HLTF: variants seen among roughly 807,000 people sequenced by gnomAD.
The protein encoded by HLTF is DNA-dependent ATPase/E3 ubiquitin-protein ligase HLTF.
In HLTF, 127 loss-of-function variants were observed where a neutral mutation model predicts 129.4. The observed-to-expected ratio is 0.98, with a 90% CI of 0.85 to 1.14. HLTF has a LOEUF of 1.14. Among genes scored for constraint, HLTF ranks in the 50% most tolerant of loss-of-function variants. The pLI, the probability that HLTF is intolerant of heterozygous loss-of-function variation, is 0.00. For missense variants in HLTF, 1,139 were observed against 1,187.1 expected (o/e 0.96, Z 0.60); for synonymous variants, 332 against 388.8 (o/e 0.85, Z 1.72).
chr3:149,083,026 T>C (rs1576631659), intron 2 of HLTF, among the ~76,000 whole-genome samples: 2 of 152,052 alleles, frequency 1.3e-5, no homozygotes, highest in South Asian at 2.1e-4. Flanking sequence ...CCGAGGTGAG[T>C]GGATCACCTG....
Position 149,048,986 on chromosome 3 carries a change from G to C in HLTF, c.1633C>G (p.Pro545Ala). 3 of 1,603,418 alleles carry C rather than the reference G, an allele frequency of 1.9e-6. No homozygotes were observed. Among genetic ancestry groups the C allele is most frequent in the East Asian group, 4.5e-5 (2 of 44,770 alleles). The change falls in exon 16 of 25, where the codon CCA becomes GCA. Residue 545 changes from proline to alanine, a missense_variant. Coordinates refer to ENST00000310053, the MANE Select transcript of HLTF (RefSeq NM_003071.4). The stretch of plus-strand genomic sequence containing the variant: ...CTTAGCCACCTTATGCTATGTAATG[G>C]ACTATCTCCTTTAGTCTGAAATAAA... ...THDYGTKGDS[P>A]LHSIRWLRVI...
chr3:149,032,198 GACCTT>G lies in HLTF; in HGVS notation c.*17_*21del. 6.6e-7 allele frequency: 1 copy of G among 1,525,006 alleles called. No homozygotes were observed. The highest frequency in any genetic ancestry group is 8.8e-7 in the Non-Finnish European group (1 of 1,135,456). 94.5% of individuals were successfully genotyped at this position (1,525,006 alleles called of 1,614,324 possible). A position where few individuals can be genotyped will look rare whatever the true frequency, so the allele number is the denominator to read the frequency against. ...TAAAACTTAAGTATCCAATCAAACT[GACCTT>G]ACTAAAATCCCACAAATTATAAGTC... On this transcript the variant is annotated 3_prime_UTR_variant, in exon 25 of 25. Coordinates refer to ENST00000310053, the MANE Select transcript of HLTF (RefSeq NM_003071.4).
At chr3:149,079,533 T>C (rs1719699142) in intron 2 of HLTF, among the ~76,000 whole-genome samples, 2 of 151,746 alleles carry the variant, frequency 1.3e-5, no homozygotes, top group Admixed American at 1.3e-4. Flanking sequence ...AGATATAACT[T>C]GGATAACAGC....
chr3:149,085,821 G>A (rs1720325260), intron 1 of HLTF, among the ~76,000 whole-genome samples: 1 of 152,196 alleles, frequency 6.6e-6, no homozygotes, highest in African/African-American at 2.4e-5. Context: ...GTCTACTGGA[G>A]CATTGCAAAA....
In HLTF at chr3:149,064,862, T is replaced by C. The variant is rs74820266; in HGVS notation, c.995A>G (p.Tyr332Cys). ...TTTCATAGAGTCATCGTTAACATTA[T>C]ATTCCTGGGTAAATAGGCATATTTC... The part of the protein sequence containing the change: ...RVKKNLLKKE[Y>C]NVNDDSMKLG... Residue 332 changes from tyrosine to cysteine, a missense_variant, in exon 9 of 25, where the codon TAT (tyrosine) becomes TGT (cysteine). Coordinates refer to ENST00000310053, the MANE Select transcript of HLTF (RefSeq NM_003071.4). The C allele has an allele frequency of 2.7e-3, 4,274 of 1,573,916 alleles. 79 individuals carry two copies. The African/African-American group carries it at 0.05, about 19-fold the overall frequency.
intron 14 of HLTF, among the ~76,000 whole-genome samples, chr3:149,054,712 G>A (rs1343657138): frequency 2.6e-5 from 4 of 152,128 alleles, no homozygotes; most frequent in Non-Finnish European, 5.9e-5. Flanking sequence ...TTTCTGATGG[G>A]TAGTGTTAAA....
chr3:149,031,650 C>T lies in HLTF; in HGVS notation c.*570G>A, dbSNP rs1715061941. The T allele has an allele frequency of 6.6e-6, 1 of 152,114 alleles. No homozygotes were observed. Among genetic ancestry groups the T allele is most frequent in the Non-Finnish European group, 1.5e-5 (1 of 68,000 alleles). 9.4% of individuals were successfully genotyped at this position (152,114 alleles called of 1,614,324 possible). A position where few individuals can be genotyped will look rare whatever the true frequency, so the allele number is the denominator to read the frequency against. ...TAAAACTCCAAGTCATTTATGTGAA[C>T]TATATCTCAATGTAGCTGTAGGAAA... is the stretch of plus-strand genomic sequence containing the variant. On this transcript the variant is annotated 3_prime_UTR_variant, in exon 25 of 25. Transcript: ENST00000310053.
rs1469154666 is a variant in HLTF, at chr3:149,057,035, A to G, written c.1376-1635T>C. 3.2e-5 allele frequency among the ~76,000 whole-genome samples: 4 copies of G among 125,990 alleles called. No individual in the cohort carries two copies. In the East Asian group the frequency reaches 1.0e-3, roughly 33 times the overall value. 82.7% of individuals were successfully genotyped at this position (125,990 alleles called of 152,430 possible). A position where few individuals can be genotyped will look rare whatever the true frequency, so the allele number is the denominator to read the frequency against. On this transcript the variant is annotated intron_variant, in intron 13 of 24. Coordinates refer to ENST00000310053, the MANE Select transcript of HLTF (RefSeq NM_003071.4). ...GAGGCAGGAGAATGGCGTGAACCCC[A>G]GGGGGCGGAGCCTGCAGTGAGCCGA...
chr3:149,060,949 T>C (rs1196879526), intron 10 of HLTF, 91 bp from the exon 11 acceptor site: 2 of 862,444 alleles, frequency 2.3e-6, no homozygotes, highest in Admixed American at 5.7e-5. Flanking sequence ...TAAAAAACTT[T>C]TGTCCTACTC....
At chr3:149,079,652 GCA>G (rs1719709890) in intron 2 of HLTF, among the ~76,000 whole-genome samples, 1 of 152,012 alleles carries the variant, frequency 6.6e-6, no homozygotes, top group African/African-American at 2.4e-5. Context: ...GAGTACAGTC[GCA>G]CAATCTCGGC....
chr3:149,076,676 C>T (rs1046146667), intron 2 of HLTF, among the ~76,000 whole-genome samples: 1 of 152,086 alleles, frequency 6.6e-6, no homozygotes, highest in Admixed American at 6.6e-5. Context: ...TCTGATTCTA[C>T]TTTATTAAAA....
At chr3:149,033,448 A>G (rs1287744816) in intron 24 of HLTF, among the ~76,000 whole-genome samples, 1 of 152,124 alleles carries the variant, frequency 6.6e-6, no homozygotes, top group Non-Finnish European at 1.5e-5. Context: ...ATAACCACCA[A>G]TACAATTTTC....
chr3:149,039,255 G>T (rs1715911138), intron 22 of HLTF, 26 bp from the exon 23 acceptor site: 1 of 1,441,378 alleles, frequency 6.9e-7, no homozygotes, highest in East Asian at 2.4e-5. Context: ...AAAGAGACAA[G>T]TAACAAACAC....
intron 2 of HLTF, among the ~76,000 whole-genome samples, chr3:149,081,430 G>T (rs577852183): frequency 6.6e-6 from 1 of 152,012 alleles, no homozygotes; most frequent in Admixed American, 6.5e-5. Context: ...TGCTCAAATC[G>T]CAAGTCCAAC....
intron 2 of HLTF, among the ~76,000 whole-genome samples, chr3:149,078,910 T>A (rs1207855479): frequency 6.6e-6 from 1 of 150,556 alleles, no homozygotes; most frequent in Non-Finnish European, 1.5e-5. Context: ...TCTTTCGACA[T>A]GAAAACGCAT....
rs1242755088 is a variant in HLTF, at chr3:149,041,521, G to A, written c.2345C>T (p.Pro782Leu). ...ITHCAHVFCK[P>L]CICQVIQNEQ... The stretch of plus-strand genomic sequence containing the variant: ...ATTCTGAATGACTTGGCAAATACAG[G>A]GTTTACAAAATACATGTGCACAATG... Residue 782 changes from proline to leucine, a missense_variant, in exon 20 of 25, where the codon CCC (proline) becomes CTC (leucine). Physicochemically the swap from Pro to Leu is moderately conservative, Grantham distance 98 (BLOSUM62 -3). Transcript: ENST00000310053. 6.2e-6 allele frequency: 10 copies of A among 1,612,768 alleles called. No homozygotes were observed. Among genetic ancestry groups the A allele is most frequent in the African/African-American group, 1.3e-5 (1 of 74,856 alleles).
chr3:149,063,053 ATCTC>A (rs1559872286), intron 10 of HLTF: 2 of 456,296 alleles, frequency 4.4e-6, no homozygotes, highest in African/African-American at 2.0e-5. Flanking sequence ...GGTCATCTCT[ATCTC>A]TCTCTTTTTC....
chr3:149,076,989 T>G (rs922696636), intron 2 of HLTF, among the ~76,000 whole-genome samples: 4 of 152,016 alleles, frequency 2.6e-5, no homozygotes, highest in African/African-American at 7.2e-5. Context: ...GCACAGTAGC[T>G]CACGCCCCCA....
chr3:149,067,348 C>T (rs1718474072), intron 8 of HLTF, among the ~76,000 whole-genome samples: 1 of 151,924 alleles, frequency 6.6e-6, no homozygotes, highest in Non-Finnish European at 1.5e-5. Flanking sequence ...AAACTCCACA[C>T]AAAGATTTGT....
Sources: gnomAD v4.1 joint callset for allele counts (sites outside exome capture counted in the v4.1 genomes callset) on GRCh38, gnomAD v4.1.1 for gene constraint, MANE v1.5 for transcripts, NCBI Gene and HGNC (gene_info 2026-07-23, HGNC 2026-07-21) for gene names.